The following JPH1 variants were observed in gnomAD, a reference collection of about 807,000 sequenced individuals.
JPH1 encodes junctophilin-1.
In JPH1, 12 loss-of-function variants were observed where a neutral mutation model predicts 53.6. The observed-to-expected ratio is 0.22, with a 90% CI of 0.14 to 0.36. The LOEUF (loss-of-function observed/expected upper bound fraction) is 0.36, where lower values mean the gene tolerates loss of function less well. Ranked by LOEUF, JPH1 falls within the 10% of genes least tolerant of loss-of-function variation. The pLI, the probability that JPH1 is intolerant of heterozygous loss-of-function variation, is 1.00. For synonymous variants in JPH1, 375 were observed against 363.8 expected, an observed-to-expected ratio of 1.03 and a Z score of -0.35; for missense variants, 808 against 905.5, an observed-to-expected ratio of 0.89 and a Z score of 1.38.
At chr8:74,296,082 G>A (rs1012013261) in intron 2 of JPH1, among the ~76,000 whole-genome samples, 2 of 138,398 alleles carry the variant, frequency 1.4e-5, no homozygotes, top group African/African-American at 5.3e-5. Context: ...TCAGAAACCC[G>A]ATTAAATCTT....
At chr8:74,258,055 T>G (rs1806288914) in intron 3 of JPH1, among the ~76,000 whole-genome samples, 1 of 152,240 alleles carries the variant, frequency 6.6e-6, no homozygotes, top group Non-Finnish European at 1.5e-5. Flanking sequence ...CTTGCTATTT[T>G]GTTCACTTTG....
chr8:74,267,925 G>A (rs913066600), intron 2 of JPH1, among the ~76,000 whole-genome samples: 18 of 152,238 alleles, frequency 1.2e-4, no homozygotes, highest in African/African-American at 4.1e-4. Flanking sequence ...AACAGTGAAA[G>A]GGGTGATCCA....
At chr8:74,299,592 C>T (rs781280771) in intron 2 of JPH1, among the ~76,000 whole-genome samples, 23 of 152,132 alleles carry the variant, frequency 1.5e-4, no homozygotes, top group Non-Finnish European at 3.2e-4. Context: ...ATCTCTGTAC[C>T]CACTCTGGCT....
chr8:74,271,397 A>C (rs910620828), intron 2 of JPH1, among the ~76,000 whole-genome samples: 3 of 152,222 alleles, frequency 2.0e-5, no homozygotes, highest in Admixed American at 2.0e-4. Context: ...TTGCCAAGTT[A>C]GACTTGTTCA....
chr8:74,287,555 T>C (rs1429910582), intron 2 of JPH1, among the ~76,000 whole-genome samples: 4 of 152,186 alleles, frequency 2.6e-5, no homozygotes, highest in Admixed American at 6.5e-5. Context: ...CTACTAAATT[T>C]AGAAACAGCC....
chr8:74,253,920 A>G lies in JPH1; in HGVS notation c.1258+5465T>C, dbSNP rs1020867631. Among the ~76,000 whole-genome samples the G allele has an allele frequency of 3.1e-3, 467 of 151,202 alleles. 3 individuals are homozygous for G. The highest frequency in any genetic ancestry group is 2.4e-3 in the Non-Finnish European group (165 of 67,704). Reference sequence around the variant, plus strand: ...TAATTAATAGCTTACCAACCAAAAAAAGTCCAGGACCAGATGGATTCACAG... The same window carrying G: ...TAATTAATAGCTTACCAACCAAAAAGAGTCCAGGACCAGATGGATTCACAG... On this transcript the variant is annotated intron_variant, in intron 3 of 5. Transcript: ENST00000342232.
intron 2 of JPH1, among the ~76,000 whole-genome samples, chr8:74,297,495 G>T (rs1031540735): frequency 6.6e-6 from 1 of 152,124 alleles, no homozygotes; most frequent in Non-Finnish European, 1.5e-5. Context: ...GTGCTTCGCG[G>T]GACTCTTAAC....
intron 2 of JPH1, among the ~76,000 whole-genome samples, chr8:74,304,531 G>A (rs1404007218): frequency 6.6e-6 from 1 of 152,090 alleles, no homozygotes; most frequent in Non-Finnish European, 1.5e-5. Context: ...TGGCTTCCAT[G>A]GGTTATCTCA....
chr8:74,257,016 G>A (rs1051095115), intron 3 of JPH1, among the ~76,000 whole-genome samples: 5 of 152,126 alleles, frequency 3.3e-5, no homozygotes, highest in African/African-American at 1.2e-4. Flanking sequence ...AGCCCTTTTC[G>A]AAAATGTCTA....
In JPH1 at chr8:74,315,095, A is replaced by G; in HGVS notation, c.905T>C (p.Met302Thr). ...ATTTGCCCACTCCCCTTCATACTTC[A>G]TGCCATTGGAGCGCTCGCTAACGCC... ...GFGVSERSNGMKYEGEWANNK... is the reference protein window; with the variant it reads ...GFGVSERSNGTKYEGEWANNK... Residue 302 changes from methionine to threonine, a missense_variant, in exon 2 of 6, where the codon ATG becomes ACG. Transcript: ENST00000342232. This position sits in a 1 kb window ranked among gnomAD's most constrained non-coding sequence, Gnocchi z 6.3. The G allele has an allele frequency of 6.2e-7, 1 of 1,614,162 alleles. No homozygotes were observed. Among genetic ancestry groups the G allele is most frequent in the African/African-American group, 1.3e-5 (1 of 75,042 alleles).
chr8:74,293,730 T>C (rs184300364), intron 2 of JPH1, among the ~76,000 whole-genome samples: 1 of 152,170 alleles, frequency 6.6e-6, no homozygotes, highest in East Asian at 1.9e-4. Context: ...TGAATTAGAG[T>C]TGACTTACCA....
At chr8:74,272,948 T>G (rs911635399) in intron 2 of JPH1, among the ~76,000 whole-genome samples, 1 of 152,208 alleles carries the variant, frequency 6.6e-6, no homozygotes, top group Non-Finnish European at 1.5e-5. Flanking sequence ...TCTTGCAAGT[T>G]ACTTATTAAA....
intron 2 of JPH1, among the ~76,000 whole-genome samples, chr8:74,306,164 C>T (rs1226661406): frequency 6.6e-6 from 1 of 152,156 alleles, no homozygotes; most frequent in Non-Finnish European, 1.5e-5. Context: ...AGGAGCTGGC[C>T]AGAGGAGTTT....
intron 4 of JPH1, among the ~76,000 whole-genome samples, chr8:74,237,663 T>G (rs988547387): frequency 1.4e-4 from 21 of 152,156 alleles, no homozygotes; most frequent in Non-Finnish European, 2.2e-4. Flanking sequence ...TAGAATGCAG[T>G]TCAGATGAGG....
intron 2 of JPH1, among the ~76,000 whole-genome samples, chr8:74,269,201 T>C (rs565448669): frequency 6.6e-6 from 1 of 152,360 alleles, no homozygotes; most frequent in East Asian, 1.9e-4. Context: ...TGTTCCTCTA[T>C]CAGGCTTCTG....
chr8:74,303,886 G>A (rs1019858951), intron 2 of JPH1, among the ~76,000 whole-genome samples: 1 of 152,128 alleles, frequency 6.6e-6, no homozygotes, highest in Non-Finnish European at 1.5e-5. Flanking sequence ...CCCTATCCTT[G>A]GGATAATGTC....
intron 2 of JPH1, among the ~76,000 whole-genome samples, chr8:74,272,666 C>G (rs1169299228): frequency 1.4e-5 from 2 of 147,746 alleles, no homozygotes; most frequent in South Asian, 4.3e-4. Context: ...TGCAGTGGCG[C>G]GATCTCGACT....
At chr8:74,241,160 C>G (rs1345553990) in intron 4 of JPH1, among the ~76,000 whole-genome samples, 1 of 152,098 alleles carries the variant, frequency 6.6e-6, no homozygotes, top group Non-Finnish European at 1.5e-5. Flanking sequence ...ACTTAGAAAG[C>G]TATTTTTAAA....
intron 2 of JPH1, among the ~76,000 whole-genome samples, chr8:74,272,281 C>T (rs930183721): frequency 6.6e-6 from 1 of 152,166 alleles, no homozygotes; most frequent in Non-Finnish European, 1.5e-5. Context: ...ACATTATTTG[C>T]TACTCTGGGC....
Sources: allele counts gnomAD v4.1 joint callset (sites outside exome capture counted in the v4.1 genomes callset), GRCh38; gene constraint gnomAD v4.1.1; non-coding constraint Gnocchi (gnomAD v3.1); transcripts MANE v1.5; gene names NCBI Gene and HGNC (gene_info 2026-07-23, HGNC 2026-07-21).